The following CBLB variants were observed in gnomAD, a reference collection of about 807,000 sequenced individuals.
CBLB encodes Cbl proto-oncogene B.
A neutral mutation model predicts 104.9 loss-of-function variants in CBLB; 31 were observed. That is an observed-to-expected ratio of 0.30 (90% CI 0.22 to 0.40). The LOEUF (loss-of-function observed/expected upper bound fraction) is 0.40, where lower values mean the gene tolerates loss of function less well. CBLB is among the 10% of genes least tolerant of loss of function. The probability of loss-of-function intolerance (pLI) is 1.00; values close to 1 mark genes in which losing one functional copy is unlikely to be tolerated. For missense variants in CBLB, 1,062 were observed against 1,214.6 expected, an observed-to-expected ratio of 0.87 and a Z score of 1.87; for synonymous variants, 440 against 422.6, an observed-to-expected ratio of 1.04 and a Z score of -0.51.
chr3:105,754,513 G>GAGAGAGAGAC (rs1348150580), intron 4 of CBLB, among the ~76,000 whole-genome samples: 1 of 103,074 alleles, frequency 9.7e-6, no homozygotes, highest in African/African-American at 4.0e-5. Context: ...GAGAGAGAGA[G>GAGAGAGAGAC]AGAGAGAGAC....
At chr3:105,684,029 T>G (rs1303030597) in intron 14 of CBLB, among the ~76,000 whole-genome samples, 1 of 152,234 alleles carries the variant, frequency 6.6e-6, no homozygotes, top group Non-Finnish European at 1.5e-5. Flanking sequence ...AAAACATTTT[T>G]TAGTTTTTCA....
chr3:105,667,653 A>C (rs1350318079), intron 18 of CBLB, among the ~76,000 whole-genome samples: 2 of 152,236 alleles, frequency 1.3e-5, no homozygotes, highest in African/African-American at 4.8e-5. Flanking sequence ...ATATGTAGAC[A>C]TACATATACA....
chr3:105,656,312 G>A lies in CBLB; in HGVS notation c.*2658C>T, dbSNP rs1356996611. 1 of 205,698 alleles carries A rather than the reference G, an allele frequency of 4.9e-6. No individual in the cohort carries two copies. Among genetic ancestry groups the A allele is most frequent in the Non-Finnish European group, 9.9e-6 (1 of 100,752 alleles). 12.7% of individuals were successfully genotyped at this position (205,698 alleles called of 1,614,324 possible). On this transcript the variant is annotated 3_prime_UTR_variant, in exon 19 of 19. Transcript: ENST00000394030. ...AAAAAAAATTGTTACCAAATCTTGA[G>A]AAATGGAAGGAATGTCTAACTTTTT...
chr3:105,758,958 G>C (rs2077342368), intron 4 of CBLB, among the ~76,000 whole-genome samples: 1 of 152,242 alleles, frequency 6.6e-6, no homozygotes, highest in Admixed American at 6.5e-5. Flanking sequence ...CGTGAAGGGG[G>C]TGGAGGGTGG....
rs201309529 is a variant in CBLB at position 105,861,712 on chromosome 3, T to C, written c.168+5698A>G. Among the ~76,000 whole-genome samples, 177 of 138,962 alleles carry C rather than the reference T, an allele frequency of 1.3e-3. 2 individuals carry two copies. Among genetic ancestry groups the C allele is most frequent in the Admixed American group, 6.6e-3 (92 of 13,988 alleles). The allele number at this position is 138,962 out of a possible 152,430, so 91.2% of individuals were successfully genotyped here. ...ACACACACACACACACACACATACA[T>C]ACACACACACACACACAGAGTTATT... On this transcript the variant is annotated intron_variant, in intron 2 of 18. Transcript: ENST00000394030.
intron 6 of CBLB, among the ~76,000 whole-genome samples, chr3:105,741,455 G>A (rs946673531): frequency 2.6e-5 from 4 of 152,064 alleles, no homozygotes; most frequent in African/African-American, 9.7e-5. Context: ...GAGTGCAGTG[G>A]CGCAATCACG....
intron 5 of CBLB, 56 bp downstream of exon 5, chr3:105,751,406 G>C: frequency 8.0e-7 from 1 of 1,252,568 alleles, no homozygotes; most frequent in Non-Finnish European, 1.2e-6. Flanking sequence ...GAAACAGAGA[G>C]AAAAGACAGG....
At chr3:105,694,610 T>TA (rs1234396546) in intron 12 of CBLB, among the ~76,000 whole-genome samples, 1 of 151,888 alleles carries the variant, frequency 6.6e-6, no homozygotes, top group Non-Finnish European at 1.5e-5. Flanking sequence ...ATACAAAATT[T>TA]AAAAGACCAT....
rs778091833 is a variant in CBLB at position 105,659,214 on chromosome 3, G to C, written c.2705C>G (p.Pro902Arg). The C allele has an allele frequency of 6.2e-6, 10 of 1,613,798 alleles. No homozygotes were observed. Among genetic ancestry groups the C allele is most frequent in the Non-Finnish European group, 8.5e-6 (10 of 1,179,852 alleles). Residue 902 changes from proline to arginine, a missense_variant, in exon 19 of 19, where the codon CCA becomes CGA. Pro to Arg is a moderately radical substitution (Grantham distance 103, BLOSUM62 -2). Around this residue, in one of 2 missense-constraint regions of CBLB, gnomAD observed 605 missense variants for 582.6 expected, o/e 1.04. Coordinates refer to ENST00000394030, the MANE Select transcript of CBLB (RefSeq NM_170662.5). ...LPSCSDGSQAPARPPKPRPRR... is the reference protein window; with the variant it reads ...LPSCSDGSQARARPPKPRPRR... ...CGGTCGTGGTTTAGGGGGTCTGGCTGGTGCCTGTGAACCATCTGTGTAGAT... is the reference window on the plus strand; with the variant it reads ...CGGTCGTGGTTTAGGGGGTCTGGCTCGTGCCTGTGAACCATCTGTGTAGAT...
chr3:105,687,638 C>T lies in CBLB; in HGVS notation c.2055-2172G>A, dbSNP rs555196563. On this transcript the variant is annotated intron_variant, in intron 13 of 18. Transcript: ENST00000394030. ...AATACTTAGGTGTTCCATTTATCAC[C>T]ATTTTAATAAAGTTCTAAAGATTCA... Among the ~76,000 whole-genome samples the T allele has an allele frequency of 7.5e-3, 1,144 of 151,746 alleles. 21 individuals carry two copies. Among genetic ancestry groups the T allele is most frequent in the African/African-American group, 0.026 (1,064 of 41,424 alleles).
intron 18 of CBLB, among the ~76,000 whole-genome samples, chr3:105,660,208 G>T (rs1210410552): frequency 6.6e-6 from 1 of 152,116 alleles, no homozygotes; most frequent in Non-Finnish European, 1.5e-5. Context: ...ACATGAGATG[G>T]AGTTTTACTC....
chr3:105,690,963 C>T (rs565131256), intron 13 of CBLB, among the ~76,000 whole-genome samples: 14 of 152,088 alleles, frequency 9.2e-5, no homozygotes. Context: ...AAGAAAAATG[C>T]TTATGATAAT....
At position 105,756,846 on chromosome 3, in the gene CBLB, AT is replaced by A. The variant is rs1313840592; in HGVS notation, c.567-5229del. 2.6e-5 allele frequency among the ~76,000 whole-genome samples: 4 copies of A among 152,272 alleles called. No individual in the cohort carries two copies. In the East Asian group the frequency reaches 5.8e-4, roughly 22 times the overall value. ...ACCTCATATTGAACTGTAATCCTCA[AT>A]TTTGGAGGTAGAGCCCAGTGGGAGG... On this transcript the variant is annotated intron_variant, in intron 4 of 18. Transcript: ENST00000394030.
At chr3:105,801,099 G>A (rs1271441018) in intron 3 of CBLB, among the ~76,000 whole-genome samples, 1 of 152,048 alleles carries the variant, frequency 6.6e-6, no homozygotes, top group Non-Finnish European at 1.5e-5. Flanking sequence ...TCGCTTGTGA[G>A]TTGAGCAGGC....
intron 6 of CBLB, among the ~76,000 whole-genome samples, chr3:105,741,836 T>C (rs577947845): frequency 2.0e-5 from 3 of 152,352 alleles, no homozygotes; most frequent in East Asian, 3.9e-4. Flanking sequence ...AAAAAAATAG[T>C]AACTTTTCTT....
chr3:105,750,741 T>C (rs897183975), intron 5 of CBLB, among the ~76,000 whole-genome samples: 14 of 152,160 alleles, frequency 9.2e-5, no homozygotes, highest in Non-Finnish European at 2.1e-4. Flanking sequence ...TAATTTGCTA[T>C]GTGAAAACAA....
intron 4 of CBLB, among the ~76,000 whole-genome samples, chr3:105,766,895 G>A (rs1031069600): frequency 1.3e-5 from 2 of 152,070 alleles, no homozygotes; most frequent in African/African-American, 4.8e-5. Context: ...TTTTCTAATG[G>A]TACAGAGCTG....
chr3:105,767,552 CTT>C (rs1396040827), intron 4 of CBLB, among the ~76,000 whole-genome samples: 5 of 38,988 alleles, frequency 1.3e-4, no homozygotes. Flanking sequence ...TAAAATTTTT[CTT>C]TTTCTTTCTT....
intron 6 of CBLB, 111 bp downstream of exon 6, chr3:105,745,806 C>T (rs2076048025): frequency 3.1e-6 from 3 of 966,210 alleles, no homozygotes; most frequent in Admixed American, 3.5e-5. Context: ...CCTTTTCTAG[C>T]CCCCTCCCAA....
Sources: allele counts gnomAD v4.1 joint callset (sites outside exome capture counted in the v4.1 genomes callset), GRCh38; gene constraint gnomAD v4.1.1; regional missense constraint gnomAD v4.1.1; transcripts MANE v1.5; gene names NCBI Gene and HGNC (gene_info 2026-07-23, HGNC 2026-07-21).